The following ALK variants were observed in gnomAD, a reference collection of about 807,000 sequenced individuals.
The protein encoded by ALK is ALK tyrosine kinase receptor.
A neutral mutation model predicts 163.1 loss-of-function variants in ALK; 74 were observed. The observed-to-expected ratio is 0.45, with a 90% CI of 0.38 to 0.55. The LOEUF is 0.55. ALK is among the 20% of genes least tolerant of loss of function. The pLI, the probability that ALK is intolerant of heterozygous loss-of-function variation, is 0.00. For missense variants in ALK, 2,063 were observed against 2,105.3 expected (o/e 0.98, Z 0.39); for synonymous variants, 960 against 843.2 (o/e 1.14, Z -2.40).
Position 29,713,894 on chromosome 2 carries a change from A to G in ALK, c.787+3684T>C, listed in dbSNP as rs574984038. On this transcript the variant is annotated intron_variant, in intron 2 of 28. Coordinates refer to ENST00000389048, the MANE Select transcript of ALK (RefSeq NM_004304.5). ...CCTTTCTCCTGCTCATATGGGCAGAACCTTTCATCGTCCTGTTTAAAAAGT... is the reference window on the plus strand; with the variant it reads ...CCTTTCTCCTGCTCATATGGGCAGAGCCTTTCATCGTCCTGTTTAAAAAGT... Among the ~76,000 whole-genome samples the G allele has an allele frequency of 2.0e-5, 3 of 152,166 alleles. No homozygotes were observed. In the South Asian group the frequency reaches 6.2e-4, roughly 32 times the overall value.
At chr2:29,800,300 G>A (rs765216310) in intron 1 of ALK, among the ~76,000 whole-genome samples, 5 of 152,200 alleles carry the variant, frequency 3.3e-5, no homozygotes. Context: ...CAAGGAACCA[G>A]ACTTAGTCCT....
At chr2:29,470,821 G>A (rs147477612) in intron 4 of ALK, among the ~76,000 whole-genome samples, 12 of 152,192 alleles carry the variant, frequency 7.9e-5, no homozygotes, top group East Asian at 3.9e-4. Context: ...GGGAAAATAC[G>A]TGGAAATATT....
chr2:29,883,339 T>A (rs1285711582), intron 1 of ALK, among the ~76,000 whole-genome samples: 1 of 152,172 alleles, frequency 6.6e-6, no homozygotes, highest in Non-Finnish European at 1.5e-5. Flanking sequence ...CCTTTAAGTA[T>A]CCTACTGCCT....
At chr2:29,718,112 T>A (rs771809202) in intron 1 of ALK, among the ~76,000 whole-genome samples, 1 of 152,230 alleles carries the variant, frequency 6.6e-6, no homozygotes, top group South Asian at 2.1e-4. Context: ...TCCTCTAATG[T>A]TGTTTGCTTG....
At chr2:29,284,576 G>A (rs955097158) in intron 9 of ALK, among the ~76,000 whole-genome samples, 13 of 152,182 alleles carry the variant, frequency 8.5e-5, no homozygotes, top group Non-Finnish European at 1.8e-4. Context: ...GCCATTTTGA[G>A]CAACTGCCTC....
rs562618616 is a variant in ALK, at chr2:29,632,257, G to A, written c.952+62593C>T. ...TGTGAGTAACAGCCAGGTTTTCCTT[G>A]TAGAGTACAGGGTTAGTGGGAATGC... On this transcript the variant is annotated intron_variant, in intron 3 of 28. Transcript: ENST00000389048. 9.2e-5 allele frequency among the ~76,000 whole-genome samples: 14 copies of A among 152,286 alleles called. No individual in the cohort carries two copies. In the East Asian group the frequency reaches 2.7e-3, roughly 29 times the overall value.
intron 23 of ALK, among the ~76,000 whole-genome samples, chr2:29,217,362 G>A (rs1669668323): frequency 6.8e-6 from 1 of 146,792 alleles, no homozygotes; most frequent in South Asian, 2.2e-4. Flanking sequence ...CGTGTGTGGT[G>A]TGTGTCTGGG....
chr2:29,522,907 G>A (rs768015610), intron 4 of ALK, among the ~76,000 whole-genome samples: 2 of 152,186 alleles, frequency 1.3e-5, no homozygotes, highest in East Asian at 3.9e-4. Flanking sequence ...AAGTGAAAGC[G>A]AGGGGAGAGC....
chr2:29,229,145 A>C (rs1213644253), intron 15 of ALK, 79 bp from the exon 16 acceptor site: 7 of 1,441,598 alleles, frequency 4.9e-6, no homozygotes, highest in African/African-American at 1.4e-5. Context: ...AGCAGGATGC[A>C]GGACGCCTTG....
chr2:29,869,438 T>C (rs1251566376), intron 1 of ALK, among the ~76,000 whole-genome samples: 1 of 152,058 alleles, frequency 6.6e-6, no homozygotes, highest in Non-Finnish European at 1.5e-5. Flanking sequence ...CTAACAGAGA[T>C]CAGCAGAAAA....
At chr2:29,865,911 A>G (rs1324065167) in intron 1 of ALK, among the ~76,000 whole-genome samples, 1 of 152,206 alleles carries the variant, frequency 6.6e-6, no homozygotes, top group Admixed American at 6.5e-5. Context: ...CAGATGCCCA[A>G]GGTCTCTCTC....
At chr2:29,276,865 G>C (rs567583308) in intron 9 of ALK, among the ~76,000 whole-genome samples, 20 of 152,148 alleles carry the variant, frequency 1.3e-4, no homozygotes, top group Admixed American at 4.6e-4. Context: ...TAGCACCTAG[G>C]CTTTTTTTGG....
chr2:29,907,671 C>T (rs1275974026), intron 1 of ALK, among the ~76,000 whole-genome samples: 1 of 152,206 alleles, frequency 6.6e-6, no homozygotes, highest in Non-Finnish European at 1.5e-5. Flanking sequence ...TCTTTCCTCT[C>T]TCTACGTCCT....
intron 4 of ALK, among the ~76,000 whole-genome samples, chr2:29,415,090 G>T (rs532629737): frequency 6.7e-6 from 1 of 150,288 alleles, no homozygotes; most frequent in Non-Finnish European, 1.5e-5. Flanking sequence ...ACAGTCACAG[G>T]CTCTAGTTTG....
At chr2:29,259,425 T>C (rs1036161191) in intron 11 of ALK, among the ~76,000 whole-genome samples, 18 of 152,178 alleles carry the variant, frequency 1.2e-4, no homozygotes, top group Non-Finnish European at 2.1e-4. Context: ...ACACCAGTCA[T>C]TATGTTGCTA....
At chr2:29,318,545 A>G in intron 7 of ALK, 141 bp from the exon 8 acceptor site, 1 of 674,006 alleles carries the variant, frequency 1.5e-6, no homozygotes, top group Non-Finnish European at 2.7e-6. Flanking sequence ...GCAATGGAGA[A>G]GAAAGCCCAC....
chr2:29,323,832 C>T (rs1164292607), intron 6 of ALK, among the ~76,000 whole-genome samples: 1 of 152,198 alleles, frequency 6.6e-6, no homozygotes. Flanking sequence ...TTCTCATTCG[C>T]CCCAAGCTCC....
chr2:29,794,127 CT>C (rs1316069349), intron 1 of ALK, among the ~76,000 whole-genome samples: 1 of 152,148 alleles, frequency 6.6e-6, no homozygotes, highest in Admixed American at 6.5e-5. Context: ...GGATAACTTT[CT>C]ACAGTTTCTT....
intron 4 of ALK, among the ~76,000 whole-genome samples, chr2:29,450,904 C>T (rs932341132): frequency 1.3e-5 from 2 of 152,144 alleles, no homozygotes; most frequent in African/African-American, 4.8e-5. Context: ...CCATCCCTGA[C>T]ATATGAAGTG....
Sources: allele counts gnomAD v4.1 joint callset (sites outside exome capture counted in the v4.1 genomes callset), GRCh38; gene constraint gnomAD v4.1.1; transcripts MANE v1.5; gene names NCBI Gene and HGNC (gene_info 2026-07-23, HGNC 2026-07-21).